TNR: variants seen among roughly 807,000 people sequenced by gnomAD.
TNR encodes tenascin-R.
Under a neutral mutation model 150.4 loss-of-function variants are expected in TNR, and 45 were observed. The observed-to-expected ratio is 0.30, with a 90% CI of 0.24 to 0.38. The LOEUF is 0.38. Ranked by LOEUF, TNR falls within the 10% of genes least tolerant of loss-of-function variation. The pLI is 1.00. For missense variants in TNR, 1,544 were observed against 1,759.1 expected (o/e 0.88, Z 2.19); for synonymous variants, 687 against 678.4 (o/e 1.01, Z -0.20).
chr1:175,632,325 C>T (rs1281552332), intron 1 of TNR, among the ~76,000 whole-genome samples: 1 of 152,216 alleles, frequency 6.6e-6, no homozygotes, highest in African/African-American at 2.4e-5. Context: ...CTGTTGTCAA[C>T]AACGGAGGAC....
chr1:175,492,097 C>A (rs1658285300), intron 2 of TNR, among the ~76,000 whole-genome samples: 1 of 152,296 alleles, frequency 6.6e-6, no homozygotes, highest in Non-Finnish European at 1.5e-5. Flanking sequence ...TAACTATTTC[C>A]ATAAACAACT....
chr1:175,479,217 G>T (rs80091661), intron 2 of TNR, among the ~76,000 whole-genome samples: 2 of 152,232 alleles, frequency 1.3e-5, no homozygotes, highest in African/African-American at 2.4e-5. Context: ...TTGCCCAATT[G>T]CCCCCTCCTT....
intron 2 of TNR, among the ~76,000 whole-genome samples, chr1:175,430,165 C>A (rs1333651660): frequency 6.6e-6 from 1 of 151,824 alleles, no homozygotes; most frequent in African/African-American, 2.4e-5. Flanking sequence ...TCTGAAACCC[C>A]AAGCAATAGT....
At chr1:175,348,024 A>G (rs1650879457) in intron 18 of TNR, among the ~76,000 whole-genome samples, 1 of 152,194 alleles carries the variant, frequency 6.6e-6, no homozygotes. Flanking sequence ...CGGAAACAAT[A>G]GATACTTAGA....
intron 2 of TNR, among the ~76,000 whole-genome samples, chr1:175,407,217 C>A (rs1654005817): frequency 6.6e-6 from 1 of 152,180 alleles, no homozygotes; most frequent in Admixed American, 6.5e-5. Flanking sequence ...CTCTGCCAGC[C>A]ACTTCAAAAT....
intron 2 of TNR, among the ~76,000 whole-genome samples, chr1:175,477,710 A>G (rs1657608584): frequency 6.6e-6 from 1 of 152,230 alleles, no homozygotes; most frequent in African/African-American, 2.4e-5. Flanking sequence ...AGAGGAAAGC[A>G]TTTGGGAGAA....
chr1:175,509,419 C>A (rs748957592), intron 2 of TNR, among the ~76,000 whole-genome samples: 1 of 152,128 alleles, frequency 6.6e-6, no homozygotes, highest in African/African-American at 2.4e-5. Flanking sequence ...AAAATGTAAT[C>A]CACTGTATTC....
At chr1:175,471,281 T>A (rs1320736856) in intron 2 of TNR, among the ~76,000 whole-genome samples, 1 of 152,202 alleles carries the variant, frequency 6.6e-6, no homozygotes, top group Non-Finnish European at 1.5e-5. Flanking sequence ...GAGCCAGTGA[T>A]CACGTCAGTC....
intron 1 of TNR, among the ~76,000 whole-genome samples, chr1:175,709,505 G>T (rs1666939829): frequency 6.6e-6 from 1 of 152,188 alleles, no homozygotes; most frequent in East Asian, 1.9e-4. Context: ...ATTGCTAAAG[G>T]CAGGGAAGTA....
intron 18 of TNR, among the ~76,000 whole-genome samples, chr1:175,342,306 C>T (rs1650560682): frequency 1.3e-5 from 2 of 152,196 alleles, no homozygotes; most frequent in South Asian, 4.1e-4. Context: ...AGGGTGACAA[C>T]TGCTAATCAG....
chr1:175,440,741 G>T (rs1280135169), intron 2 of TNR, among the ~76,000 whole-genome samples: 1 of 152,086 alleles, frequency 6.6e-6, no homozygotes, highest in African/African-American at 2.4e-5. Context: ...GATTCAGTAA[G>T]ATCTGTTAGT....
intron 1 of TNR, among the ~76,000 whole-genome samples, chr1:175,697,951 C>A (rs1289391493): frequency 6.6e-6 from 1 of 152,220 alleles, no homozygotes; most frequent in Non-Finnish European, 1.5e-5. Flanking sequence ...TCAGCCCTGC[C>A]TTTCCATCAT....
At chr1:175,560,119 A>G (rs927306905) in intron 1 of TNR, among the ~76,000 whole-genome samples, 13 of 152,382 alleles carry the variant, frequency 8.5e-5, no homozygotes, top group South Asian at 6.2e-4. Flanking sequence ...TTATTCTTAA[A>G]CCAGGTATCC....
chr1:175,354,613 C>T, intron 17 of TNR, 90 bp from the exon 18 acceptor site: 1 of 1,549,772 alleles, frequency 6.5e-7, no homozygotes, highest in Non-Finnish European at 8.8e-7. Flanking sequence ...ATCCCATGGG[C>T]AGCTAGGTCA....
intron 1 of TNR, among the ~76,000 whole-genome samples, chr1:175,580,734 G>A (rs1274850897): frequency 6.6e-6 from 1 of 152,192 alleles, no homozygotes; most frequent in East Asian, 1.9e-4. Flanking sequence ...ATGAGAGAAG[G>A]GAATGGTGTT....
At chr1:175,584,012 T>C (rs1392954146) in intron 1 of TNR, among the ~76,000 whole-genome samples, 3 of 152,194 alleles carry the variant, frequency 2.0e-5, no homozygotes, top group African/African-American at 7.2e-5. Flanking sequence ...ACACCTTTCT[T>C]GACCCTATTA....
intron 1 of TNR, among the ~76,000 whole-genome samples, chr1:175,531,190 T>C (rs770497254): frequency 6.6e-6 from 1 of 152,262 alleles, no homozygotes; most frequent in Non-Finnish European, 1.5e-5. Flanking sequence ...AAGTGGAGTG[T>C]GTGTGCCAAT....
chr1:175,544,202 C>T (rs769265954), intron 1 of TNR, among the ~76,000 whole-genome samples: 20 of 152,184 alleles, frequency 1.3e-4, no homozygotes, highest in Admixed American at 9.2e-4. Context: ...GGAGATATTG[C>T]TTGCTGCAAT....
intron 1 of TNR, among the ~76,000 whole-genome samples, chr1:175,627,257 C>T (rs186355370): frequency 3.3e-5 from 5 of 152,248 alleles, no homozygotes; most frequent in South Asian, 2.1e-4. Flanking sequence ...AGAGTAAATG[C>T]CCTGTGTTGT....
Sources: gnomAD v4.1 joint callset for allele counts (sites outside exome capture counted in the v4.1 genomes callset) on GRCh38, gnomAD v4.1.1 for gene constraint, MANE v1.5 for transcripts, NCBI Gene and HGNC (gene_info 2026-07-23, HGNC 2026-07-21) for gene names.